SPATA31D3: variants seen among roughly 807,000 people sequenced by gnomAD.
SPATA31D3 encodes the protein SPATA31 subfamily D member 3.
For synonymous variants in SPATA31D3, 27 were observed against 107.8 expected (o/e 0.25, Z 4.65); for missense variants, 91 against 297.9 (o/e 0.31, Z 5.11).
rs549716353 is a variant in SPATA31D3, at chr9:81,947,999, T to A, written c.2746T>A (p.Ser916Thr). ...CCATATGAAGCCCATATTAAATCTT[T>A]CCATATGAGGATGCTGTGGGGCCTT... is the stretch of plus-strand genomic sequence containing the variant. ...SFHMKPILNL[S>T]I Residue 916 changes from serine (S) to threonine (T), a missense_variant, in exon 4 of 4, where the codon TCC (serine) becomes ACC (threonine). By Grantham distance (58) the Ser-to-Thr change is moderately conservative. Transcript: ENST00000445385. The A allele has an allele frequency of 9.3e-4, 1,461 of 1,576,936 alleles. 19 individuals carry two copies. The African/African-American group carries it at 0.017, about 19-fold the overall frequency.
At position 81,949,931 on chromosome 9, in the gene SPATA31D3, A is replaced by G. The variant is rs1479113481; in HGVS notation, c.*1924A>G. The G allele has an allele frequency of 2.1e-5, 12 of 575,588 alleles. No homozygotes were observed. Among genetic ancestry groups the G allele is most frequent in the Non-Finnish European group, 3.8e-5 (12 of 317,188 alleles). The allele number at this position is 575,588 out of a possible 1,614,324, so 35.7% of individuals were successfully genotyped here. A position where few individuals can be genotyped will look rare whatever the true frequency, so the allele number is the denominator to read the frequency against. On this transcript the variant is annotated 3_prime_UTR_variant, in exon 4 of 4. Coordinates refer to ENST00000445385, the MANE Select transcript of SPATA31D3 (RefSeq NM_207416.3). ...TGAAGTCAACCTGGTGCCTCCGGTC[A>G]TCCTGACCAGTGCTAAAAACACTGT...
Position 81,949,662 on chromosome 9 carries a change from A to G in SPATA31D3, c.*1655A>G. On this transcript the variant is annotated 3_prime_UTR_variant, in exon 4 of 4. Transcript: ENST00000445385. ...ATGTGCCAGAACTGCAGGTCAGAGC[A>G]GAGCCTGTCCAGGGCTATCCCTGCA... is the stretch of plus-strand genomic sequence containing the variant. 3.7e-6 allele frequency: 4 copies of G among 1,094,662 alleles called. No individual in the cohort carries two copies. The highest frequency in any genetic ancestry group is 5.6e-6 in the Non-Finnish European group (4 of 716,408). 67.8% of individuals were successfully genotyped at this position (1,094,662 alleles called of 1,614,324 possible). A position where few individuals can be genotyped will look rare whatever the true frequency, so the allele number is the denominator to read the frequency against.
rs781444632 is a variant in SPATA31D3 at position 81,950,048 on chromosome 9, T to C, written c.*2041T>C. 1.8e-4 allele frequency: 55 copies of C among 310,468 alleles called. No homozygotes were observed. The highest frequency in any genetic ancestry group is 2.9e-4 in the Non-Finnish European group (48 of 166,376). The allele number at this position is 310,468 out of a possible 1,614,324, so 19.2% of individuals were successfully genotyped here. The stretch of plus-strand genomic sequence containing the variant: ...TCCCCCCAAAAAATAATTAACTCCT[T>C]GTTGAGAATCTTGACTCTCCCCAAT... On this transcript the variant is annotated 3_prime_UTR_variant, in exon 4 of 4. Coordinates refer to ENST00000445385, the MANE Select transcript of SPATA31D3 (RefSeq NM_207416.3).
At position 81,949,895 on chromosome 9, in the gene SPATA31D3, C is replaced by T; in HGVS notation, c.*1888C>T. 1 of 703,624 alleles carries T rather than the reference C, an allele frequency of 1.4e-6. No homozygotes were observed. Among genetic ancestry groups the T allele is most frequent in the Non-Finnish European group, 2.4e-6 (1 of 408,964 alleles). 43.6% of individuals were successfully genotyped at this position (703,624 alleles called of 1,614,324 possible). ...GGAAGCCTGTGCCACAGCCAAACCC[C>T]ACTTGCAGTGTGAAGTCAACCTGGT... On this transcript the variant is annotated 3_prime_UTR_variant, in exon 4 of 4. Transcript: ENST00000445385.
chr9:81,948,067 G>A lies in SPATA31D3; in HGVS notation c.*60G>A, dbSNP rs1029926543. 2.8e-4 allele frequency: 451 copies of A among 1,586,714 alleles called. 2 individuals carry two copies. The highest frequency in any genetic ancestry group is 3.7e-4 in the Non-Finnish European group (430 of 1,167,346). ...ACCCACAGAAATCTTCAAATCAGAA[G>A]AGGATATTTCCAATTCCTTTTCCCA... On this transcript the variant is annotated 3_prime_UTR_variant, in exon 4 of 4. Coordinates refer to ENST00000445385, the MANE Select transcript of SPATA31D3 (RefSeq NM_207416.3).
Position 81,949,231 on chromosome 9 carries a change from G to A in SPATA31D3, c.*1224G>A, listed in dbSNP as rs1564154432. On this transcript the variant is annotated 3_prime_UTR_variant, in exon 4 of 4. Transcript: ENST00000445385. ...TGGAGGAGAGCTTGGTGGAGGGGAT[G>A]CAGGGCTGGGGACATCCCAACTCAG... 2 of 413,080 alleles carry A rather than the reference G, an allele frequency of 4.8e-6. No individual in the cohort carries two copies. The highest frequency in any genetic ancestry group is 9.1e-6 in the Non-Finnish European group (2 of 219,604). 25.6% of individuals were successfully genotyped at this position (413,080 alleles called of 1,614,324 possible).
In SPATA31D3 at chr9:81,949,707, C is replaced by G; in HGVS notation, c.*1700C>G. On this transcript the variant is annotated 3_prime_UTR_variant, in exon 4 of 4. Coordinates refer to ENST00000445385, the MANE Select transcript of SPATA31D3 (RefSeq NM_207416.3). ...CCTGCAACTACATGGCTCCCTCCTG[C>G]AAAGTGACATGTACCAAATCTTGCA... 1 of 1,406,302 alleles carries G rather than the reference C, an allele frequency of 7.1e-7. No individual in the cohort carries two copies. The highest frequency in any genetic ancestry group is 1.2e-5 in the South Asian group (1 of 86,624). 87.1% of individuals were successfully genotyped at this position (1,406,302 alleles called of 1,614,324 possible).
Position 81,949,336 on chromosome 9 carries a change from C to T in SPATA31D3, c.*1329C>T, listed in dbSNP as rs879017049. 1 of 365,602 alleles carries T rather than the reference C, an allele frequency of 2.7e-6. No individual in the cohort carries two copies. The highest frequency in any genetic ancestry group is 3.5e-5 in the South Asian group (1 of 28,214). 22.6% of individuals were successfully genotyped at this position (365,602 alleles called of 1,614,324 possible). A position where few individuals can be genotyped will look rare whatever the true frequency, so the allele number is the denominator to read the frequency against. ...ATCTTCCCCAACCTTGAAAACACAG[C>T]CTCCTCCTGAAAACCTTTTCGGAAC... On this transcript the variant is annotated 3_prime_UTR_variant, in exon 4 of 4. Transcript: ENST00000445385.
Position 81,949,563 on chromosome 9 carries a change from G to A in SPATA31D3, c.*1556G>A. 4.9e-6 allele frequency: 3 copies of A among 609,898 alleles called. No individual in the cohort carries two copies. Among genetic ancestry groups the A allele is most frequent in the South Asian group, 3.5e-5 (2 of 57,364 alleles). The allele number at this position is 609,898 out of a possible 1,614,324, so 37.8% of individuals were successfully genotyped here. ...GGGAGTTCATAGAAGAGAAGCTGGG[G>A]CATAGACATTGAATAGATATCACCT... On this transcript the variant is annotated 3_prime_UTR_variant, in exon 4 of 4. Transcript: ENST00000445385.
intron 3 of SPATA31D3, 81 bp downstream of exon 3, chr9:81,945,313 T>TTTTTTTTTTTTTTTC (rs1823875289): frequency 8.6e-7 from 1 of 1,165,922 alleles, no homozygotes; most frequent in Non-Finnish European, 1.2e-6. Context: ...TTTTTTTTTT[T>TTTTTTTTTTTTTTTC]TTTTGCATGT....
In SPATA31D3 at chr9:81,949,476, A is replaced by G; in HGVS notation, c.*1469A>G. The G allele has an allele frequency of 2.1e-6, 1 of 487,654 alleles. No homozygotes were observed. The highest frequency in any genetic ancestry group is 3.9e-6 in the Non-Finnish European group (1 of 259,122). The allele number at this position is 487,654 out of a possible 1,614,324, so 30.2% of individuals were successfully genotyped here. The stretch of plus-strand genomic sequence containing the variant: ...CATCATCTGTGCAGAATAGAGGTCG[A>G]GTTAAAAGTAGAGCTGTCTTTACTG... On this transcript the variant is annotated 3_prime_UTR_variant, in exon 4 of 4. Transcript: ENST00000445385.
rs565134715 is a variant in SPATA31D3 at position 81,949,439 on chromosome 9, G to A, written c.*1432G>A. ...AAACAAGAAAGTTCCTAGGAAAAGG[G>A]TAGCTCCTTGTCATCATCTGTGCAG... On this transcript the variant is annotated 3_prime_UTR_variant, in exon 4 of 4. Transcript: ENST00000445385. 7.7e-6 allele frequency: 3 copies of A among 390,252 alleles called. No homozygotes were observed. Among genetic ancestry groups the A allele is most frequent in the East Asian group, 5.2e-5 (1 of 19,142 alleles). The allele number at this position is 390,252 out of a possible 1,614,324, so 24.2% of individuals were successfully genotyped here.
rs1823992620 is a variant in SPATA31D3, at chr9:81,949,699, C to A, written c.*1692C>A. ...GGGCTATCCCTGCAACTACATGGCT[C>A]CCTCCTGCAAAGTGACATGTACCAA... On this transcript the variant is annotated 3_prime_UTR_variant, in exon 4 of 4. Coordinates refer to ENST00000445385, the MANE Select transcript of SPATA31D3 (RefSeq NM_207416.3). 1.4e-6 allele frequency: 2 copies of A among 1,393,448 alleles called. No homozygotes were observed. Among genetic ancestry groups the A allele is most frequent in the Non-Finnish European group, 2.0e-6 (2 of 984,932 alleles). 86.3% of individuals were successfully genotyped at this position (1,393,448 alleles called of 1,614,324 possible).
Position 81,949,782 on chromosome 9 carries a change from G to A in SPATA31D3, c.*1775G>A, listed in dbSNP as rs140540091. On this transcript the variant is annotated 3_prime_UTR_variant, in exon 4 of 4. Transcript: ENST00000445385. Reference sequence around the variant, plus strand: ...AGAATTATCCTGCAATGATTAGACAGATCATAGACAAGGACAGATAGCCCC... The same window carrying A: ...AGAATTATCCTGCAATGATTAGACAAATCATAGACAAGGACAGATAGCCCC... 2 of 1,329,626 alleles carry A rather than the reference G, an allele frequency of 1.5e-6. No homozygotes were observed. The highest frequency in any genetic ancestry group is 2.2e-6 in the Non-Finnish European group (2 of 926,288). The allele number at this position is 1,329,626 out of a possible 1,614,324, so 82.4% of individuals were successfully genotyped here. A position where few individuals can be genotyped will look rare whatever the true frequency, so the allele number is the denominator to read the frequency against.
chr9:81,945,631 C>G lies in SPATA31D3; in HGVS notation c.378C>G (p.Val126=). ...LFRRLLCPDP[V]CRVCNRATAD... is the part of the protein sequence containing the mutation. ...GTCGACTGTTATGCCCAGACCCTGT[C>G]TGTCGGGTGTGTAACAGAGCAACTG... Residue 126 remains valine, a synonymous_variant, in exon 4 of 4, where the codon GTC becomes GTG. Coordinates refer to ENST00000445385, the MANE Select transcript of SPATA31D3 (RefSeq NM_207416.3). The G allele has an allele frequency of 7.9e-6, 1 of 126,228 alleles. No individual in the cohort carries two copies. The highest frequency in any genetic ancestry group is 2.2e-4 in the African/African-American group (1 of 4,576). The allele number at this position is 126,228 out of a possible 1,614,324, so 7.8% of individuals were successfully genotyped here.
Position 81,949,776 on chromosome 9 carries a change from T to G in SPATA31D3, c.*1769T>G, listed in dbSNP as rs936501317. On this transcript the variant is annotated 3_prime_UTR_variant, in exon 4 of 4. Transcript: ENST00000445385. ...TCGGCCAGAATTATCCTGCAATGAT[T>G]AGACAGATCATAGACAAGGACAGAT... 6.0e-6 allele frequency: 8 copies of G among 1,338,736 alleles called. No individual in the cohort carries two copies. Among genetic ancestry groups the G allele is most frequent in the Non-Finnish European group, 8.6e-6 (8 of 934,236 alleles). 82.9% of individuals were successfully genotyped at this position (1,338,736 alleles called of 1,614,324 possible).
In SPATA31D3 at chr9:81,949,399, A is replaced by G. The variant is rs1301555484; in HGVS notation, c.*1392A>G. On this transcript the variant is annotated 3_prime_UTR_variant, in exon 4 of 4. Coordinates refer to ENST00000445385, the MANE Select transcript of SPATA31D3 (RefSeq NM_207416.3). ...CTTTTTGCAGCAGTCTAATAAACCC[A>G]TCATAACATATGGAAAACAAGAAAG... The G allele has an allele frequency of 8.1e-6, 3 of 369,252 alleles. No individual in the cohort carries two copies. The highest frequency in any genetic ancestry group is 3.6e-4 in the Middle Eastern group (1 of 2,792). 22.9% of individuals were successfully genotyped at this position (369,252 alleles called of 1,614,324 possible). A position where few individuals can be genotyped will look rare whatever the true frequency, so the allele number is the denominator to read the frequency against.
In SPATA31D3 at chr9:81,949,654, G is replaced by T. The variant is rs1401211704; in HGVS notation, c.*1647G>T. On this transcript the variant is annotated 3_prime_UTR_variant, in exon 4 of 4. Transcript: ENST00000445385. ...ATCTCAGAATGTGCCAGAACTGCAG[G>T]TCAGAGCAGAGCCTGTCCAGGGCTA... is the stretch of plus-strand genomic sequence containing the variant. 6 of 1,032,612 alleles carry T rather than the reference G, an allele frequency of 5.8e-6. No individual in the cohort carries two copies. The highest frequency in any genetic ancestry group is 4.7e-5 in the African/African-American group (3 of 63,396). 64.0% of individuals were successfully genotyped at this position (1,032,612 alleles called of 1,614,324 possible). A position where few individuals can be genotyped will look rare whatever the true frequency, so the allele number is the denominator to read the frequency against.
At chr9:81,945,305 T>TG in intron 3 of SPATA31D3, 73 bp downstream of exon 3, 1 of 1,199,818 alleles carries the variant, frequency 8.3e-7, no homozygotes. Context: ...TTTTTTTTTT[T>TG]TTTTTTTTTT....
Sources: allele counts gnomAD v4.1 joint callset, GRCh38; gene constraint gnomAD v4.1.1; transcripts MANE v1.5; gene names NCBI Gene and HGNC (gene_info 2026-07-23, HGNC 2026-07-21).